The following TENM4 variants were observed in gnomAD, a reference collection of about 807,000 sequenced individuals.
TENM4 encodes teneurin transmembrane protein 4.
Under a neutral mutation model 243.3 loss-of-function variants are expected in TENM4, and 82 were observed. The observed-to-expected ratio is 0.34, with a 90% CI of 0.28 to 0.40. The LOEUF is 0.40. TENM4 is among the 10% of genes least tolerant of loss of function. The probability of loss-of-function intolerance (pLI) is 1.00; values close to 1 mark genes in which losing one functional copy is unlikely to be tolerated. For missense variants in TENM4, 3,138 were observed against 3,673.3 expected (o/e 0.85, Z 3.77); for synonymous variants, 1,412 against 1,456.3 (o/e 0.97, Z 0.69).
intron 18 of TENM4, among the ~76,000 whole-genome samples, chr11:78,760,275 G>A (rs1038030474): frequency 4.6e-5 from 7 of 152,204 alleles, no homozygotes; most frequent in Non-Finnish European, 7.3e-5. Context: ...GGTCGACGGA[G>A]CCTTTTATTC....
At chr11:78,732,935 C>A (rs939542603) in intron 20 of TENM4, among the ~76,000 whole-genome samples, 3 of 152,192 alleles carry the variant, frequency 2.0e-5, no homozygotes, top group Non-Finnish European at 2.9e-5. Flanking sequence ...TAAAGTAGGG[C>A]AAGCCTTGAT....
intron 6 of TENM4, among the ~76,000 whole-genome samples, chr11:79,062,321 T>C (rs1860113448): frequency 1.3e-5 from 2 of 152,188 alleles, no homozygotes; most frequent in South Asian, 4.1e-4. Flanking sequence ...CACCTTCATC[T>C]TGTGCATGCA....
Position 78,805,277 on chromosome 11 carries a change from T to TCCCCACCCACCACCCCC in TENM4, c.2179+14_2179+15insGGGGGTGGTGGGTGGGG. 7.1e-7 allele frequency: 1 copy of TCCCCACCCACCACCCCC among 1,402,550 alleles called. No individual in the cohort carries two copies. Among genetic ancestry groups the TCCCCACCCACCACCCCC allele is most frequent in the Non-Finnish European group, 9.7e-7 (1 of 1,033,116 alleles). The allele number at this position is 1,402,550 out of a possible 1,614,324, so 86.9% of individuals were successfully genotyped here. A position where few individuals can be genotyped will look rare whatever the true frequency, so the allele number is the denominator to read the frequency against. Reference sequence around the variant, plus strand: ...CCCCTCCCTCTACCCATGCTTCTTCTCCCCCTGCATTTACCGATAGAACAG... The same window carrying TCCCCACCCACCACCCCC: ...CCCCTCCCTCTACCCATGCTTCTTCTCCCCACCCACCACCCCCCCCCCTGCATTTACCGATAGAACAG... On this transcript the variant is annotated intron_variant, in intron 15 of 33. Transcript: ENST00000278550.
chr11:78,912,633 G>T (rs938617318), intron 6 of TENM4, among the ~76,000 whole-genome samples: 1 of 152,156 alleles, frequency 6.6e-6, no homozygotes, highest in African/African-American at 2.4e-5. Flanking sequence ...TGCACATGAG[G>T]TTCCTCAACC....
intron 12 of TENM4, among the ~76,000 whole-genome samples, chr11:78,840,619 A>T (rs1858236517): frequency 6.6e-6 from 1 of 152,180 alleles, no homozygotes; most frequent in Admixed American, 6.5e-5. Flanking sequence ...CTTAATTGTA[A>T]AGGAGCTCTT....
chr11:79,096,842 C>A (rs1861088843), intron 4 of TENM4: 2 of 152,518 alleles, frequency 1.3e-5, no homozygotes, highest in African/African-American at 2.4e-5. Flanking sequence ...GCTAAGGGAA[C>A]AATTTGCTCC....
intron 9 of TENM4, among the ~76,000 whole-genome samples, chr11:78,885,886 G>A (rs1259001651): frequency 6.6e-6 from 1 of 152,136 alleles, no homozygotes; most frequent in Non-Finnish European, 1.5e-5. Context: ...GACTGTGCCG[G>A]TGCACTCCAG....
At chr11:79,320,267 T>G (rs957459278) in intron 1 of TENM4, among the ~76,000 whole-genome samples, 1 of 152,220 alleles carries the variant, frequency 6.6e-6, no homozygotes, top group Admixed American at 6.5e-5. Context: ...TTTTTCATCA[T>G]GTCTCCATAG....
chr11:79,300,804 G>A (rs1856538327), intron 1 of TENM4, among the ~76,000 whole-genome samples: 1 of 152,132 alleles, frequency 6.6e-6, no homozygotes, highest in Non-Finnish European at 1.5e-5. Flanking sequence ...TGCTGCATAA[G>A]GGTTTGCTAT....
At chr11:79,063,195 G>A (rs961719630) in intron 6 of TENM4, among the ~76,000 whole-genome samples, 7 of 152,186 alleles carry the variant, frequency 4.6e-5, no homozygotes, top group East Asian at 1.9e-4. Context: ...GACCCTGACC[G>A]TGCGTGGTCT....
At chr11:79,145,992 T>A (rs1202251039) in intron 4 of TENM4, among the ~76,000 whole-genome samples, 1 of 152,092 alleles carries the variant, frequency 6.6e-6, no homozygotes, top group African/African-American at 2.4e-5. Flanking sequence ...TATAGGAGTT[T>A]CTTCTTTTTT....
At chr11:79,113,951 G>A (rs1052574895) in intron 4 of TENM4, among the ~76,000 whole-genome samples, 9 of 152,178 alleles carry the variant, frequency 5.9e-5, no homozygotes, top group African/African-American at 2.2e-4. Flanking sequence ...CATGAGTTAA[G>A]GGAATTCATG....
intron 27 of TENM4, among the ~76,000 whole-genome samples, chr11:78,706,448 C>T (rs61712278): frequency 0.076 from 11,527 of 152,266 alleles, 476 homozygotes; most frequent in Middle Eastern, 0.14. Context: ...TACCTCCCTG[C>T]TCCCCATGGG....
chr11:78,975,227 T>C lies in TENM4; in HGVS notation c.494-71704A>G, dbSNP rs573284289. Among the ~76,000 whole-genome samples the C allele has an allele frequency of 5.1e-4, 78 of 152,046 alleles. 1 individual carries two copies. The highest frequency in any genetic ancestry group is 1.8e-3 in the African/African-American group (73 of 41,496). On this transcript the variant is annotated intron_variant, in intron 6 of 33. Coordinates refer to ENST00000278550, the MANE Select transcript of TENM4 (RefSeq NM_001098816.3). ...TGGAAGACTCACTGAGCTCCATGTG[T>C]CAGCTGCAGCTCCTGGTGTCTCACA... is the stretch of plus-strand genomic sequence containing the variant.
chr11:79,233,536 G>C (rs567933736), intron 2 of TENM4, among the ~76,000 whole-genome samples: 2 of 152,262 alleles, frequency 1.3e-5, no homozygotes, highest in Admixed American at 1.3e-4. Context: ...GGGTGAGAGA[G>C]CTGTGCCTGA....
intron 33 of TENM4, among the ~76,000 whole-genome samples, chr11:78,660,350 G>T (rs1857997977): frequency 6.6e-6 from 1 of 152,118 alleles, no homozygotes; most frequent in Non-Finnish European, 1.5e-5. Context: ...TAGCAAAAAT[G>T]CTTCATGCAC....
intron 1 of TENM4, among the ~76,000 whole-genome samples, chr11:79,388,940 G>A (rs891750998): frequency 1.8e-4 from 28 of 152,304 alleles, no homozygotes; most frequent in African/African-American, 6.5e-4. Flanking sequence ...CCAGAAATAA[G>A]AAAGTACCAC....
chr11:78,883,279 T>C (rs906165155), intron 9 of TENM4, among the ~76,000 whole-genome samples: 2 of 149,796 alleles, frequency 1.3e-5, no homozygotes, highest in African/African-American at 5.1e-5. Context: ...CATCATCTCA[T>C]TTAACCTGCA....
chr11:78,972,436 G>A (rs765527141), intron 6 of TENM4, among the ~76,000 whole-genome samples: 6 of 152,014 alleles, frequency 3.9e-5, no homozygotes, highest in Non-Finnish European at 5.9e-5. Flanking sequence ...TTGATCTCTA[G>A]CTTTCCTCCT....
Sources: gnomAD v4.1 joint callset for allele counts (sites outside exome capture counted in the v4.1 genomes callset) on GRCh38, gnomAD v4.1.1 for gene constraint, MANE v1.5 for transcripts, NCBI Gene and HGNC (gene_info 2026-07-23, HGNC 2026-07-21) for gene names.